NME5: variants seen among roughly 807,000 people sequenced by gnomAD.
The protein encoded by NME5 is NME/NM23 family member 5, also known as nucleoside diphosphate kinase 5.
NME5 carries 18 observed loss-of-function variants against 21.6 expected under a neutral mutation model. That is an observed-to-expected ratio of 0.83 (90% CI 0.58 to 1.24). The LOEUF (loss-of-function observed/expected upper bound fraction) is 1.24. NME5 is among the 50% of genes most tolerant of loss of function. The probability of loss-of-function intolerance (pLI) is 0.00; values close to 1 mark genes in which losing one functional copy is unlikely to be tolerated. For synonymous variants in NME5, 70 were observed against 80.6 expected (o/e 0.87, Z 0.71); for missense variants, 223 against 255.4 (o/e 0.87, Z 0.86).
intron 4 of NME5, among the ~76,000 whole-genome samples, chr5:138,126,807 G>A (rs1731673579): frequency 2.6e-5 from 4 of 151,840 alleles, no homozygotes; most frequent in Admixed American, 2.6e-4. Flanking sequence ...AATTAGCCGG[G>A]CGTGGTGATA....
At chr5:138,123,612 C>T (rs1478931896) in intron 4 of NME5, among the ~76,000 whole-genome samples, 1 of 152,098 alleles carries the variant, frequency 6.6e-6, no homozygotes, top group Non-Finnish European at 1.5e-5. Flanking sequence ...TCCATTAACC[C>T]ACTGATGGAC....
At chr5:138,120,244 T>C (rs1751256254) in intron 4 of NME5, among the ~76,000 whole-genome samples, 1 of 147,114 alleles carries the variant, frequency 6.8e-6, no homozygotes. Flanking sequence ...TTTTTTTTTT[T>C]TTTTTTTTGA....
At chr5:138,122,264 C>A (rs961401761) in intron 4 of NME5, among the ~76,000 whole-genome samples, 2 of 151,358 alleles carry the variant, frequency 1.3e-5, no homozygotes, top group Non-Finnish European at 2.9e-5. Context: ...CGTGGCGAAA[C>A]CCTGTCTCTA....
chr5:138,117,847 G>A (rs1241013322), intron 5 of NME5, among the ~76,000 whole-genome samples: 1 of 151,906 alleles, frequency 6.6e-6, no homozygotes, highest in Non-Finnish European at 1.5e-5. Flanking sequence ...CCCGGGCGTG[G>A]TGGTGTTCGC....
chr5:138,119,373 C>T (rs1437856448), intron 4 of NME5, among the ~76,000 whole-genome samples: 1 of 151,626 alleles, frequency 6.6e-6, no homozygotes, highest in Non-Finnish European at 1.5e-5. Flanking sequence ...AATTTTTGTA[C>T]GTTGAGTAGA....
chr5:138,134,739 T>G (rs1437684308), intron 2 of NME5, among the ~76,000 whole-genome samples: 2 of 151,324 alleles, frequency 1.3e-5, no homozygotes, highest in Non-Finnish European at 2.9e-5. Context: ...CTTTTTTTTT[T>G]TTTTGAGACG....
At chr5:138,122,306 G>T (rs1332090770) in intron 4 of NME5, among the ~76,000 whole-genome samples, 1 of 151,616 alleles carries the variant, frequency 6.6e-6, no homozygotes, top group Non-Finnish European at 1.5e-5. Flanking sequence ...TGGGCGTGGT[G>T]GTGGGCGCCT....
chr5:138,135,319 CAA>C (rs753075071), intron 2 of NME5, among the ~76,000 whole-genome samples: 13 of 90,720 alleles, frequency 1.4e-4, no homozygotes, highest in Admixed American at 2.4e-4. Context: ...GACTCCGTCT[CAA>C]AAAAAAAAAA....
intron 3 of NME5, 100 bp from the exon 4 acceptor site, chr5:138,128,679 T>C (rs1010064334): frequency 7.0e-6 from 5 of 715,174 alleles, no homozygotes; most frequent in Non-Finnish European, 1.2e-5. Flanking sequence ...CATTGCCACT[T>C]CTTACATATG....
intron 2 of NME5, among the ~76,000 whole-genome samples, chr5:138,133,726 A>T (rs918743533): frequency 1.3e-5 from 2 of 152,254 alleles, no homozygotes; most frequent in African/African-American, 4.8e-5. Flanking sequence ...TTTTAAAAGC[A>T]TACAGTGCAA....
intron 2 of NME5, among the ~76,000 whole-genome samples, chr5:138,134,626 C>A (rs560534280): frequency 2.6e-5 from 4 of 152,092 alleles, no homozygotes; most frequent in South Asian, 2.1e-4. Context: ...GTGATCCACC[C>A]GCCTCATCCT....
chr5:138,139,262 C>G (rs1751813176), intron 1 of NME5, 109 bp downstream of exon 1: 1 of 631,800 alleles, frequency 1.6e-6, no homozygotes, highest in African/African-American at 2.0e-5. Context: ...CCCGCAGGGA[C>G]CTCTCTGTGC....
intron 5 of NME5, among the ~76,000 whole-genome samples, chr5:138,118,342 G>T (rs1751209082): frequency 6.6e-6 from 1 of 151,710 alleles, no homozygotes; most frequent in South Asian, 2.1e-4. Context: ...AGCCAGGATG[G>T]TCTTGATCTC....
intron 4 of NME5, among the ~76,000 whole-genome samples, chr5:138,121,100 T>C (rs2151159418): frequency 6.6e-6 from 1 of 151,786 alleles, no homozygotes; most frequent in African/African-American, 2.4e-5. Flanking sequence ...GCTGAGGCAG[T>C]AGGATTACCT....
At position 138,129,400 on chromosome 5, in the gene NME5, A is replaced by C; in HGVS notation, c.198T>G (p.Phe66Leu). ...TCATGTAAGCTGTTAAGTTGGGGAA[A>C]AACATTTTTCCATACTTTTCCACAT... is the stretch of plus-strand genomic sequence containing the variant. ...NFYVEKYGKM[F>L]FPNLTAYMSS... is the part of the protein sequence containing the mutation. The change falls in exon 3 of 6, where the codon TTT (phenylalanine) becomes TTG (leucine). Residue 66 changes from phenylalanine (F) to leucine (L), a missense_variant. Physicochemically the swap from Phe to Leu is conservative, Grantham distance 22 (BLOSUM62 0). Transcript: ENST00000265191. The C allele has an allele frequency of 1.2e-6, 2 of 1,614,134 alleles. No individual in the cohort carries two copies. The highest frequency in any genetic ancestry group is 1.7e-6 in the Non-Finnish European group (2 of 1,179,998).
rs923694415 is a variant in NME5 at position 138,138,708 on chromosome 5, C to T, written c.73G>A (p.Asp25Asn). ...ATATCTTGTATCTCCTCCTCTTTGT[C>T]AACAATATCTGGTTTGATAATGGCC... is the stretch of plus-strand genomic sequence containing the variant. ...TLAIIKPDIV[D>N]KEEEIQDIIL... is the part of the protein sequence containing the mutation. The change falls in exon 2 of 6, where the codon GAC (aspartate) becomes AAC (asparagine). Residue 25 changes from aspartate (D) to asparagine (N), a missense_variant. Transcript: ENST00000265191. 2 of 1,612,740 alleles carry T rather than the reference C, an allele frequency of 1.2e-6. No homozygotes were observed. The highest frequency in any genetic ancestry group is 1.7e-6 in the Non-Finnish European group (2 of 1,179,402).
At chr5:138,128,706 T>C in intron 3 of NME5, 127 bp from the exon 4 acceptor site, 1 of 601,754 alleles carries the variant, frequency 1.7e-6, no homozygotes. Flanking sequence ...TCACAATTTA[T>C]GTCAAATTTA....
chr5:138,123,908 T>C (rs1226705586), intron 4 of NME5, among the ~76,000 whole-genome samples: 2 of 151,186 alleles, frequency 1.3e-5, no homozygotes, highest in East Asian at 3.9e-4. Flanking sequence ...CTTTTGATAA[T>C]AGCCATCCTA....
chr5:138,132,315 A>G (rs954161079), intron 2 of NME5, among the ~76,000 whole-genome samples: 2 of 152,080 alleles, frequency 1.3e-5, no homozygotes, highest in East Asian at 1.9e-4. Flanking sequence ...ATGCCATTGC[A>G]CTCCAGCCTG....
Sources: gnomAD v4.1 joint callset for allele counts (sites outside exome capture counted in the v4.1 genomes callset) on GRCh38, gnomAD v4.1.1 for gene constraint, MANE v1.5 for transcripts, NCBI Gene and HGNC (gene_info 2026-07-23, HGNC 2026-07-21) for gene names.